The following DTNB variants were observed in gnomAD, a reference collection of about 807,000 sequenced individuals.
DTNB encodes dystrobrevin beta.
Under a neutral mutation model 90.7 loss-of-function variants are expected in DTNB, and 63 were observed. That is an observed-to-expected ratio of 0.69 (90% CI 0.57 to 0.86). DTNB has a LOEUF of 0.86. Among genes scored for constraint, DTNB ranks in the 40% least tolerant of loss-of-function variants. The pLI is 0.00. For missense variants in DTNB, 744 were observed against 807.1 expected (o/e 0.92, Z 0.95); for synonymous variants, 277 against 286.7 (o/e 0.97, Z 0.34).
intron 8 of DTNB, among the ~76,000 whole-genome samples, chr2:25,574,962 C>G (rs1227017406): frequency 2.0e-5 from 3 of 152,046 alleles, no homozygotes; most frequent in Non-Finnish European, 2.9e-5. Context: ...TATCTTATAA[C>G]TCAATGAAAA....
intron 4 of DTNB, among the ~76,000 whole-genome samples, chr2:25,607,846 G>C (rs2067476879): frequency 6.6e-6 from 1 of 152,118 alleles, no homozygotes; most frequent in Non-Finnish European, 1.5e-5. Flanking sequence ...ATTCTAAGAA[G>C]CTCAATCACA....
At chr2:25,585,061 T>C (rs1167593634) in intron 6 of DTNB, among the ~76,000 whole-genome samples, 1 of 152,168 alleles carries the variant, frequency 6.6e-6, no homozygotes, top group African/African-American at 2.4e-5. Context: ...TTGTCCCCTA[T>C]CTTTTTATTT....
intron 5 of DTNB, among the ~76,000 whole-genome samples, chr2:25,603,734 G>A (rs560963139): frequency 8.5e-5 from 13 of 152,164 alleles, no homozygotes; most frequent in African/African-American, 2.9e-4. Flanking sequence ...AGCATTAATA[G>A]AGGTAACAAC....
At chr2:25,556,716 G>A (rs1045710283) in intron 8 of DTNB, among the ~76,000 whole-genome samples, 2 of 152,070 alleles carry the variant, frequency 1.3e-5, no homozygotes, top group African/African-American at 4.8e-5. Context: ...CAAACCACTC[G>A]GAGAATCAGA....
intron 14 of DTNB, among the ~76,000 whole-genome samples, chr2:25,430,868 A>G (rs1369656905): frequency 6.6e-6 from 1 of 152,200 alleles, no homozygotes; most frequent in Non-Finnish European, 1.5e-5. Flanking sequence ...TTCGTCATAC[A>G]TTTTATTGTA....
intron 19 of DTNB, chr2:25,379,573 G>A: frequency 2.4e-6 from 1 of 408,242 alleles, no homozygotes; most frequent in Non-Finnish European, 4.2e-6. Context: ...TTAAAAAATG[G>A]AATCAAAACT....
chr2:25,455,403 A>G lies in DTNB; in HGVS notation c.1169+2T>C, dbSNP rs1191014485. On this transcript the variant is annotated splice_donor_variant, in intron 11 of 20. Coordinates refer to ENST00000406818, the MANE Select transcript of DTNB (RefSeq NM_021907.5). LOFTEE classifies it high-confidence loss of function. ...ACCCACTGCTGCTGCACCACCACTG[A>G]CCGTGCACAGTGCTGCAGACGGGCC... is the stretch of plus-strand genomic sequence containing the variant. 1 of 1,592,382 alleles carries G rather than the reference A, an allele frequency of 6.3e-7. No individual in the cohort carries two copies. Among genetic ancestry groups the G allele is most frequent in the Non-Finnish European group, 8.5e-7 (1 of 1,169,976 alleles).
intron 5 of DTNB, among the ~76,000 whole-genome samples, chr2:25,606,375 G>A (rs1351334965): frequency 1.3e-5 from 2 of 152,108 alleles, no homozygotes; most frequent in Non-Finnish European, 2.9e-5. Flanking sequence ...GAAATTACAC[G>A]TGTGTCTCCT....
intron 1 of DTNB, 195 bp from the exon 2 acceptor site, chr2:25,652,856 A>G (rs2148943157): frequency 4.0e-6 from 2 of 506,128 alleles, no homozygotes; most frequent in Admixed American, 3.7e-5. Flanking sequence ...CTTCTAAAAT[A>G]TTAGTAAATC....
At position 25,461,101 on chromosome 2, in the gene DTNB, G is replaced by A. The variant is rs1253205544; in HGVS notation, c.1080-5607C>T. Reference sequence around the variant, plus strand: ...GTATTTTTAGTAGAGATGGGGTTTTGCCATGTTGGCCAGGCTGGTCTTGTA... The same window carrying A: ...GTATTTTTAGTAGAGATGGGGTTTTACCATGTTGGCCAGGCTGGTCTTGTA... On this transcript the variant is annotated intron_variant, in intron 10 of 20. Transcript: ENST00000406818. Among the ~76,000 whole-genome samples, 22 of 152,182 alleles carry A rather than the reference G, an allele frequency of 1.4e-4. No individual in the cohort carries two copies. The East Asian group carries it at 1.9e-3, about 13-fold the overall frequency.
At chr2:25,517,795 A>C (rs1355768775) in intron 9 of DTNB, among the ~76,000 whole-genome samples, 2 of 152,222 alleles carry the variant, frequency 1.3e-5, no homozygotes, top group Admixed American at 6.5e-5. Flanking sequence ...CATTGTATGT[A>C]GGTACCACAT....
chr2:25,606,747 C>T (rs1196435479), intron 5 of DTNB, among the ~76,000 whole-genome samples: 1 of 151,704 alleles, frequency 6.6e-6, no homozygotes, highest in Non-Finnish European at 1.5e-5. Flanking sequence ...GCAAAGATAA[C>T]AGGAATTTTT....
At chr2:25,575,987 C>G (rs2060588455) in intron 8 of DTNB, among the ~76,000 whole-genome samples, 2 of 152,220 alleles carry the variant, frequency 1.3e-5, no homozygotes, top group South Asian at 4.1e-4. Context: ...CAAGATATTA[C>G]TATTTTAAAA....
intron 2 of DTNB, among the ~76,000 whole-genome samples, chr2:25,649,099 G>A (rs1294844563): frequency 6.9e-6 from 1 of 144,698 alleles, no homozygotes; most frequent in Non-Finnish European, 1.5e-5. Context: ...CCGCCTCCCA[G>A]GTTCACGCCA....
At chr2:25,409,507 A>T (rs113567324) in intron 16 of DTNB, among the ~76,000 whole-genome samples, 2 of 152,364 alleles carry the variant, frequency 1.3e-5, no homozygotes, top group African/African-American at 4.8e-5. Flanking sequence ...TCACAGATTT[A>T]AGATTTACAT....
At chr2:25,652,573 G>A in intron 2 of DTNB, 21 bp downstream of exon 2, 1 of 1,536,278 alleles carries the variant, frequency 6.5e-7, no homozygotes, top group East Asian at 2.3e-5. Flanking sequence ...CCGCACATAT[G>A]AACAAGGACT....
At chr2:25,432,755 CTCTTCAGTGG>C in intron 14 of DTNB, 121 bp downstream of exon 14, 1 of 911,686 alleles carries the variant, frequency 1.1e-6, no homozygotes, top group Non-Finnish European at 1.7e-6. Context: ...AATGGGTGAA[CTCTTCAGTGG>C]TCTGCGCTCA....
chr2:25,481,100 T>G lies in DTNB; in HGVS notation c.1079+1696A>C, dbSNP rs918750451. Among the ~76,000 whole-genome samples, 17 of 152,058 alleles carry G rather than the reference T, an allele frequency of 1.1e-4. No individual in the cohort carries two copies. The South Asian group carries it at 3.5e-3, about 32-fold the overall frequency. Reference sequence around the variant, plus strand: ...ATTATTTTTGTCCCCATTTTAGAGATAAAAAATTGAAAACAAGGCCAGGTA... The same window carrying G: ...ATTATTTTTGTCCCCATTTTAGAGAGAAAAAATTGAAAACAAGGCCAGGTA... On this transcript the variant is annotated intron_variant, in intron 10 of 20. Transcript: ENST00000406818.
chr2:25,588,200 C>G (rs1260507358), intron 6 of DTNB, among the ~76,000 whole-genome samples: 1 of 151,308 alleles, frequency 6.6e-6, no homozygotes, highest in South Asian at 2.1e-4. Flanking sequence ...AAAAAAAAGG[C>G]TCTAAAAAGC....
Sources: gnomAD v4.1 joint callset for allele counts (sites outside exome capture counted in the v4.1 genomes callset) on GRCh38, gnomAD v4.1.1 for gene constraint, MANE v1.5 for transcripts, NCBI Gene and HGNC (gene_info 2026-07-23, HGNC 2026-07-21) for gene names.